Variants in GRHL2 observed in about 807,000 individuals in gnomAD.
GRHL2 encodes grainyhead like transcription factor 2.
A neutral mutation model predicts 83.8 loss-of-function variants in GRHL2; 21 were observed. The ratio of observed to expected loss-of-function variants is 0.25; its 90% confidence interval spans 0.18 to 0.36. The LOEUF is 0.36. Among genes scored for constraint, GRHL2 ranks in the 10% least tolerant of loss-of-function variants. The pLI is 1.00. For missense variants in GRHL2, 623 were observed against 781.8 expected (o/e 0.80, Z 2.42); for synonymous variants, 280 against 278.9 (o/e 1.00, Z -0.04).
intron 9 of GRHL2, among the ~76,000 whole-genome samples, chr8:101,624,346 A>G (rs188345134): frequency 6.6e-6 from 1 of 151,494 alleles, no homozygotes; most frequent in Non-Finnish European, 1.5e-5. Flanking sequence ...ACAGTAGGAC[A>G]GTACACAGTA....
rs115853084 is a variant in GRHL2 at position 101,528,680 on chromosome 8, G to A, written c.21-14561G>A. 432 of 215,608 alleles carry A rather than the reference G, an allele frequency of 2.0e-3. 2 individuals carry two copies. The highest frequency in any genetic ancestry group is 9.6e-3 in the African/African-American group (409 of 42,390). The allele number at this position is 215,608 out of a possible 1,614,324, so 13.4% of individuals were successfully genotyped here. On this transcript the variant is annotated intron_variant, in intron 1 of 15. Coordinates refer to ENST00000646743, the MANE Select transcript of GRHL2 (RefSeq NM_024915.4). ...ACTTTTCAGCAGGCAATCCCATAGC[G>A]CGAGGCTCTTTTCCTATTCTTTGCC...
chr8:101,578,699 C>T (rs1181872971), intron 7 of GRHL2, among the ~76,000 whole-genome samples: 1 of 152,186 alleles, frequency 6.6e-6, no homozygotes, highest in Non-Finnish European at 1.5e-5. Flanking sequence ...TGAAGGTTCC[C>T]ATCCTGCTGG....
chr8:101,635,089 C>T (rs1324499785), intron 11 of GRHL2, among the ~76,000 whole-genome samples: 3 of 152,192 alleles, frequency 2.0e-5, no homozygotes, highest in Non-Finnish European at 2.9e-5. Flanking sequence ...ACTCCTCTCT[C>T]ACACACTCAA....
rs747015567 is a variant in GRHL2, at chr8:101,619,715, T to G, written c.1257+18T>G. On this transcript the variant is annotated intron_variant, in intron 9 of 15. Transcript: ENST00000646743. ...GTGACAAAGTGAGTAAAGATGACAG[T>G]TTTTTATAAAGGTATCTTTTTTATT... 5 of 1,592,098 alleles carry G rather than the reference T, an allele frequency of 3.1e-6. No individual in the cohort carries two copies. In the South Asian group the frequency reaches 5.5e-5, roughly 18 times the overall value.
chr8:101,667,767 A>G lies in GRHL2; in HGVS notation c.*1064A>G, dbSNP rs971667168. ...CCTGAGCTTTCTGGAGAGCCTCTGC[A>G]GGGGGTTTGCCATCAGGGCCCTGTG... On this transcript the variant is annotated 3_prime_UTR_variant, in exon 16 of 16. Coordinates refer to ENST00000646743, the MANE Select transcript of GRHL2 (RefSeq NM_024915.4). 2.0e-5 allele frequency: 3 copies of G among 152,822 alleles called. No individual in the cohort carries two copies. The highest frequency in any genetic ancestry group is 6.5e-5 in the Admixed American group (1 of 15,288). 9.5% of individuals were successfully genotyped at this position (152,822 alleles called of 1,614,324 possible).
intron 3 of GRHL2, 81 bp from the exon 4 acceptor site, chr8:101,558,338 C>G (rs1220630325): frequency 1.3e-6 from 2 of 1,491,798 alleles, no homozygotes; most frequent in East Asian, 4.5e-5. Context: ...ATGATTATTG[C>G]CTGCATTGGT....
chr8:101,580,936 C>T (rs1812039907), intron 7 of GRHL2, among the ~76,000 whole-genome samples: 2 of 152,126 alleles, frequency 1.3e-5, no homozygotes, highest in Non-Finnish European at 2.9e-5. Flanking sequence ...ATCTCCTGAC[C>T]TCGTGATCTG....
intron 1 of GRHL2, among the ~76,000 whole-genome samples, chr8:101,521,755 T>C (rs1375314589): frequency 6.6e-6 from 1 of 152,238 alleles, no homozygotes; most frequent in African/African-American, 2.4e-5. Flanking sequence ...TGGACTTATA[T>C]ACCTAGGGAT....
At chr8:101,634,305 A>G (rs894187343) in intron 11 of GRHL2, among the ~76,000 whole-genome samples, 6 of 152,154 alleles carry the variant, frequency 3.9e-5, no homozygotes, top group Non-Finnish European at 8.8e-5. Flanking sequence ...ACCTGTGACT[A>G]TCCTGTGGTT....
intron 8 of GRHL2, among the ~76,000 whole-genome samples, chr8:101,618,182 ACT>A (rs1812892779): frequency 6.6e-6 from 1 of 152,022 alleles, no homozygotes; most frequent in Non-Finnish European, 1.5e-5. Context: ...GTGATAAATC[ACT>A]CTTAAATGGT....
intron 5 of GRHL2, among the ~76,000 whole-genome samples, chr8:101,571,591 T>G (rs1043363271): frequency 2.0e-5 from 3 of 152,004 alleles, no homozygotes; most frequent in African/African-American, 7.2e-5. Context: ...AGAATTGAAC[T>G]CAAATTCCTT....
intron 1 of GRHL2, among the ~76,000 whole-genome samples, chr8:101,538,161 C>T (rs1003348112): frequency 2.6e-5 from 4 of 152,184 alleles, no homozygotes; most frequent in South Asian, 2.1e-4. Context: ...GATCTGTTGA[C>T]CATAACTGCA....
intron 9 of GRHL2, among the ~76,000 whole-genome samples, chr8:101,628,137 T>C (rs987279653): frequency 6.6e-6 from 1 of 152,166 alleles, no homozygotes; most frequent in Non-Finnish European, 1.5e-5. Context: ...CAGCCTTCTA[T>C]TGGGAGATGT....
intron 7 of GRHL2, among the ~76,000 whole-genome samples, chr8:101,582,715 A>C (rs1812081820): frequency 6.6e-6 from 1 of 152,074 alleles, no homozygotes; most frequent in African/African-American, 2.4e-5. Flanking sequence ...GCGACCACCC[A>C]CCTCAGCGTC....
At chr8:101,600,926 G>A (rs969536563) in intron 8 of GRHL2, among the ~76,000 whole-genome samples, 15 of 152,178 alleles carry the variant, frequency 9.9e-5, no homozygotes, top group African/African-American at 3.4e-4. Context: ...GAGAGGCCAA[G>A]GTGGGAGGAT....
At chr8:101,572,908 G>A (rs951895617) in intron 5 of GRHL2, among the ~76,000 whole-genome samples, 1 of 152,198 alleles carries the variant, frequency 6.6e-6, no homozygotes, top group South Asian at 2.1e-4. Context: ...GCAGGCTATC[G>A]TCTCTACCAC....
chr8:101,676,581 A>G, the GRHL2 span, among the ~76,000 whole-genome samples: 142 of 152,230 alleles, frequency 9.3e-4, no homozygotes, highest in African/African-American at 3.1e-3. Flanking sequence ...GAGAGGATGT[A>G]GAGAAATAGG....
intron 8 of GRHL2, among the ~76,000 whole-genome samples, chr8:101,600,714 A>T (rs920158813): frequency 6.6e-6 from 1 of 152,222 alleles, no homozygotes; most frequent in Non-Finnish European, 1.5e-5. Flanking sequence ...TGCAGCCAGC[A>T]TCATGCTGAG....
chr8:101,523,586 C>T (rs1257025385), intron 1 of GRHL2, among the ~76,000 whole-genome samples: 2 of 151,936 alleles, frequency 1.3e-5, no homozygotes, highest in South Asian at 4.1e-4. Flanking sequence ...AGTGATCCTT[C>T]CACCTCAGCC....
Sources: allele counts gnomAD v4.1 joint callset (sites outside exome capture counted in the v4.1 genomes callset), GRCh38; gene constraint gnomAD v4.1.1; transcripts MANE v1.5; gene names NCBI Gene and HGNC (gene_info 2026-07-23, HGNC 2026-07-21).